The following CTNNA1 variants were observed in gnomAD, a reference collection of about 807,000 sequenced individuals.
CTNNA1 encodes catenin alpha-1.
Under a neutral mutation model 98.4 loss-of-function variants are expected in CTNNA1, and 37 were observed. The observed-to-expected ratio is 0.38, with a 90% confidence interval of 0.29 to 0.49. The LOEUF is 0.49. Ranked by LOEUF, CTNNA1 falls within the 20% of genes least tolerant of loss-of-function variation. The pLI is 0.95. For missense variants in CTNNA1, 761 were observed against 1,147.2 expected, an observed-to-expected ratio of 0.66 and a Z score of 4.86; for synonymous variants, 404 against 413.2, an observed-to-expected ratio of 0.98 and a Z score of 0.27.
rs542618985 is a variant in CTNNA1, at chr5:138,908,231, C to T, written c.1389+3790C>T. ...TTGGCCTCCCAAAGTGCTGGGATTA[C>T]AGGCATGAGTCACTGTGCCCGGCCT... On this transcript the variant is annotated intron_variant, in intron 10 of 17. Coordinates refer to ENST00000302763, the MANE Select transcript of CTNNA1 (RefSeq NM_001903.5). 2.0e-5 allele frequency among the ~76,000 whole-genome samples: 3 copies of T among 152,302 alleles called. No individual in the cohort carries two copies. In the East Asian group the frequency reaches 5.8e-4, roughly 29 times the overall value.
intron 8 of CTNNA1, 127 bp from the exon 9 acceptor site, chr5:138,887,363 T>C: frequency 1.5e-5 from 9 of 607,842 alleles, no homozygotes; most frequent in Non-Finnish European, 2.5e-5. Flanking sequence ...ACATGAGGGG[T>C]CCTCATGTAA....
intron 7 of CTNNA1, among the ~76,000 whole-genome samples, chr5:138,861,343 G>A (rs750713019): frequency 6.6e-6 from 1 of 152,082 alleles, no homozygotes; most frequent in Non-Finnish European, 1.5e-5. Context: ...CTTAATGTGT[G>A]GGCCACATGG....
At chr5:138,908,539 C>T (rs938244438) in intron 10 of CTNNA1, among the ~76,000 whole-genome samples, 1 of 151,630 alleles carries the variant, frequency 6.6e-6, no homozygotes, top group African/African-American at 2.4e-5. Context: ...ATGGCGTGCA[C>T]TTGTAGTCCC....
chr5:138,800,256 G>T (rs939573024), intron 3 of CTNNA1, among the ~76,000 whole-genome samples: 4 of 152,196 alleles, frequency 2.6e-5, no homozygotes, highest in African/African-American at 9.7e-5. Flanking sequence ...ATAAAATGCA[G>T]CTTCTGTGTG....
chr5:138,771,886 A>G (rs1753594048), intron 1 of CTNNA1, among the ~76,000 whole-genome samples: 1 of 152,154 alleles, frequency 6.6e-6, no homozygotes. Context: ...TTTGCATTTA[A>G]ACGAACCATC....
At chr5:138,757,230 A>G (rs1264390637) in intron 1 of CTNNA1, among the ~76,000 whole-genome samples, 2 of 151,516 alleles carry the variant, frequency 1.3e-5, no homozygotes, top group Non-Finnish European at 2.9e-5. Flanking sequence ...GGGAGGGAGG[A>G]AGGAAGGAGA....
chr5:138,795,443 G>A (rs1756855618), intron 3 of CTNNA1, among the ~76,000 whole-genome samples: 1 of 151,838 alleles, frequency 6.6e-6, no homozygotes, highest in African/African-American at 2.4e-5. Flanking sequence ...GGGCGACAGC[G>A]AGACTCTGTC....
intron 13 of CTNNA1, among the ~76,000 whole-genome samples, chr5:138,927,443 C>T (rs778572804): frequency 1.3e-5 from 2 of 152,144 alleles, no homozygotes; most frequent in African/African-American, 2.4e-5. Flanking sequence ...GGCCAATGCC[C>T]CTTCCCCACG....
intron 10 of CTNNA1, among the ~76,000 whole-genome samples, chr5:138,908,182 T>C (rs1759712994): frequency 1.3e-5 from 2 of 152,172 alleles, no homozygotes; most frequent in African/African-American, 4.8e-5. Context: ...TTTCACCTTG[T>C]TGGTCAGGCT....
intron 7 of CTNNA1, 147 bp from the exon 8 acceptor site, chr5:138,886,065 C>A: frequency 1.4e-6 from 1 of 718,296 alleles, no homozygotes; most frequent in Non-Finnish European, 2.1e-6. Flanking sequence ...AGCCACATAA[C>A]ACCCCTCTGC....
intron 1 of CTNNA1, among the ~76,000 whole-genome samples, chr5:138,759,728 A>C (rs949381636): frequency 6.6e-6 from 1 of 152,120 alleles, no homozygotes; most frequent in Non-Finnish European, 1.5e-5. Flanking sequence ...TCAGGAATGC[A>C]TTGTAGGTTG....
chr5:138,857,511 C>G (rs528556733), intron 7 of CTNNA1, among the ~76,000 whole-genome samples: 7 of 152,260 alleles, frequency 4.6e-5, no homozygotes, highest in Non-Finnish European at 7.4e-5. Flanking sequence ...GAGATGGGGT[C>G]TTGCTATGCT....
chr5:138,832,768 A>G (rs1761389166), intron 7 of CTNNA1, among the ~76,000 whole-genome samples: 1 of 152,180 alleles, frequency 6.6e-6, no homozygotes, highest in Non-Finnish European at 1.5e-5. Flanking sequence ...TAGGTTTCAG[A>G]CTATTAAGTT....
intron 7 of CTNNA1, among the ~76,000 whole-genome samples, chr5:138,855,480 A>C (rs1423749696): frequency 6.6e-6 from 1 of 152,246 alleles, no homozygotes; most frequent in Non-Finnish European, 1.5e-5. Flanking sequence ...AATTCAGTTC[A>C]TACTGGGTTA....
At chr5:138,796,556 A>T (rs1388787253) in intron 3 of CTNNA1, among the ~76,000 whole-genome samples, 1 of 66,520 alleles carries the variant, frequency 1.5e-5, no homozygotes, top group Admixed American at 1.7e-4. Flanking sequence ...AAAAAAAAAA[A>T]AAAGTAGTAG....
intron 3 of CTNNA1, among the ~76,000 whole-genome samples, chr5:138,790,202 A>G (rs1017113030): frequency 2.6e-5 from 4 of 152,206 alleles, no homozygotes; most frequent in Admixed American, 2.6e-4. Flanking sequence ...GCCAGTTGTC[A>G]TGCATGTTAA....
chr5:138,908,170 G>C (rs1018108057), intron 10 of CTNNA1, among the ~76,000 whole-genome samples: 1 of 151,968 alleles, frequency 6.6e-6, no homozygotes, highest in African/African-American at 2.4e-5. Context: ...GTAGAGATGG[G>C]GTTTCACCTT....
At chr5:138,933,757 T>C in intron 17 of CTNNA1, 45 bp from the exon 18 acceptor site, 2 of 1,592,178 alleles carry the variant, frequency 1.3e-6, no homozygotes, top group Non-Finnish European at 1.7e-6. Context: ...TCCACGAGGC[T>C]GGAGGTCAGG....
intron 6 of CTNNA1, among the ~76,000 whole-genome samples, chr5:138,826,846 G>A (rs1760770168): frequency 6.6e-6 from 1 of 152,224 alleles, no homozygotes; most frequent in African/African-American, 2.4e-5. Context: ...TACCCAGGCT[G>A]GAGTGCAGTG....
Sources: gnomAD v4.1 joint callset for allele counts (sites outside exome capture counted in the v4.1 genomes callset) on GRCh38, gnomAD v4.1.1 for gene constraint, MANE v1.5 for transcripts, NCBI Gene and HGNC (gene_info 2026-07-23, HGNC 2026-07-21) for gene names.